The following ZSWIM4 variants were observed in gnomAD, a reference collection of about 807,000 sequenced individuals.
ZSWIM4 encodes the protein zinc finger SWIM domain-containing protein 4.
A neutral mutation model predicts 102.5 loss-of-function variants in ZSWIM4; 62 were observed. That is an observed-to-expected ratio of 0.60 (90% CI 0.49 to 0.75). The LOEUF (loss-of-function observed/expected upper bound fraction) is 0.75. Among genes scored for constraint, ZSWIM4 ranks in the 30% least tolerant of loss-of-function variants. The pLI is 0.00. For missense variants in ZSWIM4, 1,280 were observed against 1,529.6 expected, an observed-to-expected ratio of 0.84 and a Z score of 2.72; for synonymous variants, 652 against 674.5, an observed-to-expected ratio of 0.97 and a Z score of 0.52.
rs150672021 is a variant in ZSWIM4, at chr19:13,817,804, G to C, written c.1752G>C (p.Ala584=). The C allele has an allele frequency of 5.0e-6, 8 of 1,586,838 alleles. No homozygotes were observed. The South Asian group carries it at 6.9e-5, about 14-fold the overall frequency. Residue 584 remains alanine, a synonymous_variant, in exon 9 of 14, where the codon GCG becomes GCC. Transcript: ENST00000590508. ...CTGGGGAGTCCTACTTGGTGCTGGC[G>C]CTGGAGGTGGCACTGCTGGGGCTGG... ...GSPGESYLVL[A]LEVALLGLGQ...
intron 11 of ZSWIM4, among the ~76,000 whole-genome samples, chr19:13,824,015 G>C (rs763224102): frequency 8.6e-5 from 13 of 151,762 alleles, no homozygotes; most frequent in Admixed American, 4.0e-4. Context: ...TTGAGAGTTG[G>C]GGGGAGTGAA....
At chr19:13,798,458 T>G (rs1479340132) in intron 1 of ZSWIM4, among the ~76,000 whole-genome samples, 1 of 152,086 alleles carries the variant, frequency 6.6e-6, no homozygotes, top group Non-Finnish European at 1.5e-5. Context: ...TTAATCATTA[T>G]TATCACTTTT....
intron 1 of ZSWIM4, among the ~76,000 whole-genome samples, chr19:13,796,346 A>T (rs1599573504): frequency 1.3e-5 from 2 of 151,824 alleles, no homozygotes; most frequent in East Asian, 3.9e-4. Context: ...CTAGAGACTC[A>T]CACTACCCCA....
chr19:13,797,011 C>T (rs528596835), intron 1 of ZSWIM4: 1 of 152,462 alleles, frequency 6.6e-6, no homozygotes, highest in Non-Finnish European at 1.5e-5. Flanking sequence ...CCCACTTCCC[C>T]TAGAAACCCA....
intron 1 of ZSWIM4, 26 bp downstream of exon 1, chr19:13,795,827 G>T (rs773708470): frequency 1.6e-6 from 2 of 1,220,698 alleles, no homozygotes; most frequent in Admixed American, 4.0e-5. Context: ...GGGGGCGGGG[G>T]CAGGGACGCA....
chr19:13,817,095 G>C, intron 7 of ZSWIM4, 121 bp from the exon 8 acceptor site: 1 of 1,372,514 alleles, frequency 7.3e-7, no homozygotes, highest in African/African-American at 1.4e-5. Flanking sequence ...GTGACCATTG[G>C]GTGAGCAGGT....
intron 3 of ZSWIM4, among the ~76,000 whole-genome samples, chr19:13,807,795 G>GGA (rs1361462756): frequency 9.2e-5 from 12 of 129,938 alleles, no homozygotes; most frequent in African/African-American, 3.6e-4. Context: ...GGATGGATGG[G>GGA]TGTATGGGTG....
intron 12 of ZSWIM4, among the ~76,000 whole-genome samples, chr19:13,826,992 A>T (rs921895654): frequency 1.3e-5 from 2 of 152,078 alleles, no homozygotes; most frequent in Non-Finnish European, 2.9e-5. Context: ...CACTAAGAAG[A>T]TAAGGAATAG....
intron 7 of ZSWIM4, among the ~76,000 whole-genome samples, chr19:13,816,077 A>T (rs1199338630): frequency 6.8e-6 from 1 of 147,360 alleles, no homozygotes; most frequent in Admixed American, 6.8e-5. Context: ...GGAGGGAAGG[A>T]GGCTGTATGA....
rs57427379 is a variant in ZSWIM4 at position 13,799,598 on chromosome 19, C to T, written c.154-122C>T. On this transcript the variant is annotated intron_variant, in intron 1 of 13. Transcript: ENST00000590508. ...GCCAGTTTTTTTGTAAAGATGGGAG[C>T]CTCTCTATGTTGCCCAGGCTGGTCT... is the stretch of plus-strand genomic sequence containing the variant. 2,074 of 923,628 alleles carry T rather than the reference C, an allele frequency of 2.2e-3. 34 individuals carry two copies. The African/African-American group carries it at 0.03, about 14-fold the overall frequency. The allele number at this position is 923,628 out of a possible 1,614,324, so 57.2% of individuals were successfully genotyped here.
chr19:13,809,015 C>T lies in ZSWIM4; in HGVS notation c.861+31C>T. 1.2e-6 allele frequency: 2 copies of T among 1,607,774 alleles called. No individual in the cohort carries two copies. The highest frequency in any genetic ancestry group is 2.7e-5 in the African/African-American group (2 of 74,882). On this transcript the variant is annotated intron_variant, in intron 4 of 13. Transcript: ENST00000590508. The surrounding 1 kb of genome is among the most constrained non-coding windows in gnomAD (Gnocchi z 4.2). ...GTGCGGGCCGGCGGGGCGCGGGGTG[C>T]AGAAGGCCCCGGCGGACGCCCCAGC... is the stretch of plus-strand genomic sequence containing the variant.
intron 5 of ZSWIM4, among the ~76,000 whole-genome samples, chr19:13,810,349 G>A (rs147266648): frequency 5.1e-4 from 77 of 151,764 alleles, no homozygotes; most frequent in Non-Finnish European, 9.3e-4. Flanking sequence ...CTGGAGTGCA[G>A]TGGCACGATC....
At chr19:13,801,998 T>G (rs1191258844) in intron 2 of ZSWIM4, among the ~76,000 whole-genome samples, 2 of 125,904 alleles carry the variant, frequency 1.6e-5, no homozygotes, top group Non-Finnish European at 3.3e-5. Flanking sequence ...TTTTTTGAGA[T>G]GGAGTCTCAC....
At chr19:13,813,241 T>C (rs1277247819) in intron 6 of ZSWIM4, 77 bp downstream of exon 6, 2 of 1,254,656 alleles carry the variant, frequency 1.6e-6, no homozygotes, top group African/African-American at 1.5e-5. Context: ...ATCATGGTCC[T>C]CTTCCCAGGA....
At position 13,828,567 on chromosome 19, in the gene ZSWIM4, T is replaced by TCCTCCATCTCCCAACGCC. The variant is rs1975672895; in HGVS notation, c.2380-70_2380-53dup. 3 of 1,278,856 alleles carry TCCTCCATCTCCCAACGCC rather than the reference T, an allele frequency of 2.3e-6. No individual in the cohort carries two copies. The African/African-American group carries it at 4.4e-5, about 19-fold the overall frequency. The allele number at this position is 1,278,856 out of a possible 1,614,324, so 79.2% of individuals were successfully genotyped here. A position where few individuals can be genotyped will look rare whatever the true frequency, so the allele number is the denominator to read the frequency against. ...CTTTAACCTCCAAGTGTTTCTGGGG[T>TCCTCCATCTCCCAACGCC]CCTCCATCTCCCAACGCCCCTCCAT... On this transcript the variant is annotated intron_variant, in intron 12 of 13. Coordinates refer to ENST00000590508, the MANE Select transcript of ZSWIM4 (RefSeq NM_001367834.3).
chr19:13,817,299 A>G lies in ZSWIM4; in HGVS notation c.1615A>G (p.Arg539Gly), dbSNP rs1975317754. ...CCTGGACCCCATTGGCTGCCTCTGC[A>G]GGGCGCTCCTGGAGGCCTGTCGTCT... Reference protein sequence around the residue: ...HPLDPIGCLCRALLEACRLEE... With the variant: ...HPLDPIGCLCGALLEACRLEE... The change falls in exon 8 of 14, where the codon AGG becomes GGG. Residue 539 changes from arginine (R) to glycine (G), a missense_variant. Physicochemically the swap from Arg to Gly is moderately radical, Grantham distance 125. Transcript: ENST00000590508. The G allele has an allele frequency of 1.9e-6, 3 of 1,614,060 alleles. No homozygotes were observed. The highest frequency in any genetic ancestry group is 2.5e-6 in the Non-Finnish European group (3 of 1,179,948).
At chr19:13,827,460 G>A (rs1352656014) in intron 12 of ZSWIM4, among the ~76,000 whole-genome samples, 1 of 151,804 alleles carries the variant, frequency 6.6e-6, no homozygotes, top group Admixed American at 6.6e-5. Context: ...ATGCATGGTG[G>A]TGGACGCGTG....
rs563846256 is a variant in ZSWIM4 at position 13,826,207 on chromosome 19, G to T, written c.2379+494G>T. ...GGTCTAGGGGAGAGTTGTCACTGGA[G>T]CGGAGAGGCAGGGCCTGCAAGCCAG... On this transcript the variant is annotated intron_variant, in intron 12 of 13. Coordinates refer to ENST00000590508, the MANE Select transcript of ZSWIM4 (RefSeq NM_001367834.3). 2.0e-5 allele frequency among the ~76,000 whole-genome samples: 3 copies of T among 152,272 alleles called. No homozygotes were observed. The East Asian group carries it at 5.8e-4, about 29-fold the overall frequency.
chr19:13,809,320 C>G lies in ZSWIM4; in HGVS notation c.1012+100C>G. 1.4e-6 allele frequency: 2 copies of G among 1,447,686 alleles called. No homozygotes were observed. The highest frequency in any genetic ancestry group is 1.8e-6 in the Non-Finnish European group (2 of 1,097,226). The allele number at this position is 1,447,686 out of a possible 1,614,324, so 89.7% of individuals were successfully genotyped here. ...GGGTCTGTTCCCTGAATCCGCCCTC[C>G]ATTCGTTTGGCAAACATTTATGAGC... is the stretch of plus-strand genomic sequence containing the variant. On this transcript the variant is annotated intron_variant, in intron 5 of 13. Transcript: ENST00000590508. This position sits in a 1 kb window ranked among gnomAD's most constrained non-coding sequence, Gnocchi z 4.2.
Sources: gnomAD v4.1 joint callset for allele counts (sites outside exome capture counted in the v4.1 genomes callset) on GRCh38, gnomAD v4.1.1 for gene constraint, Gnocchi (gnomAD v3.1) non-coding constraint, MANE v1.5 for transcripts, NCBI Gene and HGNC (gene_info 2026-07-23, HGNC 2026-07-21) for gene names.